The following WDR70 variants were observed in gnomAD, a reference collection of about 807,000 sequenced individuals.
WDR70 encodes the protein WD repeat domain 70, also known as WD repeat-containing protein 70.
In WDR70, 53 loss-of-function variants were observed where a neutral mutation model predicts 88.6. That is an observed-to-expected ratio of 0.60 (90% CI 0.48 to 0.75). The LOEUF (loss-of-function observed/expected upper bound fraction) is 0.75. WDR70 is among the 30% of genes least tolerant of loss of function. The pLI is 0.00. For missense variants in WDR70, 610 were observed against 823.2 expected, an observed-to-expected ratio of 0.74 and a Z score of 3.17; for synonymous variants, 280 against 270.0, an observed-to-expected ratio of 1.04 and a Z score of -0.36.
At chr5:37,502,919 A>G (rs1740448176) in intron 8 of WDR70, among the ~76,000 whole-genome samples, 2 of 152,204 alleles carry the variant, frequency 1.3e-5, no homozygotes, top group African/African-American at 4.8e-5. Flanking sequence ...CCATGATCCA[A>G]ACACCTCTCA....
chr5:37,693,950 A>G (rs982668891), intron 10 of WDR70, among the ~76,000 whole-genome samples: 32 of 152,302 alleles, frequency 2.1e-4, no homozygotes, highest in Admixed American at 1.2e-3. Context: ...TTTGCTATCT[A>G]CCTATCTGAC....
chr5:37,509,789 C>CTT, intron 8 of WDR70, among the ~76,000 whole-genome samples: 1 of 129,154 alleles, frequency 7.7e-6, no homozygotes, highest in African/African-American at 3.0e-5. Context: ...CCTATAGATT[C>CTT]TTTTTTTTTT....
intron 4 of WDR70, among the ~76,000 whole-genome samples, chr5:37,395,248 G>C (rs1311732532): frequency 6.6e-6 from 1 of 152,168 alleles, no homozygotes; most frequent in African/African-American, 2.4e-5. Flanking sequence ...CTTAGTGAGA[G>C]TGTATAATAG....
intron 8 of WDR70, chr5:37,505,725 A>G (rs1178015269): frequency 7.4e-6 from 9 of 1,213,504 alleles, no homozygotes; most frequent in Admixed American, 3.4e-5. Flanking sequence ...TGGTGTCAGC[A>G]TCTCTTCAAA....
At chr5:37,672,362 T>C (rs938341361) in intron 10 of WDR70, among the ~76,000 whole-genome samples, 1 of 151,982 alleles carries the variant, frequency 6.6e-6, no homozygotes. Context: ...CTCTTGTGGT[T>C]GAGATAAGAG....
At chr5:37,687,071 G>A (rs1394627900) in intron 10 of WDR70, among the ~76,000 whole-genome samples, 1 of 151,944 alleles carries the variant, frequency 6.6e-6, no homozygotes, top group Non-Finnish European at 1.5e-5. Flanking sequence ...GCAGTTAAAG[G>A]ACAAGTTGCA....
At chr5:37,646,338 G>T (rs927734956) in intron 10 of WDR70, among the ~76,000 whole-genome samples, 5 of 151,970 alleles carry the variant, frequency 3.3e-5, no homozygotes, top group Non-Finnish European at 7.4e-5. Context: ...ACCATGTCTT[G>T]AAGAATTGTT....
intron 9 of WDR70, among the ~76,000 whole-genome samples, chr5:37,592,701 C>G: frequency 6.6e-6 from 1 of 152,332 alleles, no homozygotes; most frequent in Middle Eastern, 3.4e-3. Flanking sequence ...AGGCTGAATA[C>G]TTTCCCCCTG....
intron 9 of WDR70, among the ~76,000 whole-genome samples, chr5:37,587,810 C>T (rs1743407466): frequency 6.9e-6 from 1 of 144,640 alleles, no homozygotes; most frequent in African/African-American, 2.6e-5. Flanking sequence ...GACAGAGTCT[C>T]ACTCTATCGC....
At chr5:37,567,711 G>C (rs1439316065) in intron 9 of WDR70, among the ~76,000 whole-genome samples, 1 of 152,092 alleles carries the variant, frequency 6.6e-6, no homozygotes, top group Non-Finnish European at 1.5e-5. Flanking sequence ...AAAAGGGGAG[G>C]GGGGAGATTT....
At chr5:37,624,463 C>T (rs930211343) in intron 10 of WDR70, among the ~76,000 whole-genome samples, 1 of 151,982 alleles carries the variant, frequency 6.6e-6, no homozygotes, top group Admixed American at 6.6e-5. Flanking sequence ...AGGTTGATTC[C>T]ATATTTTGGC....
intron 10 of WDR70, among the ~76,000 whole-genome samples, chr5:37,621,586 T>C (rs1170321223): frequency 6.6e-6 from 1 of 152,210 alleles, no homozygotes; most frequent in East Asian, 1.9e-4. Flanking sequence ...TTTGTTTTTT[T>C]CTTGTAAATT....
intron 9 of WDR70, among the ~76,000 whole-genome samples, chr5:37,543,197 C>T (rs1278954655): frequency 3.3e-5 from 5 of 152,096 alleles, no homozygotes; most frequent in Non-Finnish European, 7.4e-5. Flanking sequence ...TCACCACAGA[C>T]ATATGAGTTA....
At chr5:37,406,859 T>G (rs1420513544) in intron 5 of WDR70, among the ~76,000 whole-genome samples, 2 of 152,226 alleles carry the variant, frequency 1.3e-5, no homozygotes, top group East Asian at 3.8e-4. Flanking sequence ...AATCATATTA[T>G]TATTTAATAT....
At position 37,655,339 on chromosome 5, in the gene WDR70, G is replaced by A. The variant is rs112514284; in HGVS notation, c.1093-42316G>A. On this transcript the variant is annotated intron_variant, in intron 10 of 17. Coordinates refer to ENST00000265107, the MANE Select transcript of WDR70 (RefSeq NM_018034.4). The stretch of plus-strand genomic sequence containing the variant: ...TAGTCTGATGGGCTTCCTTCTGTGG[G>A]TAACCCAACCTTTCTTCTCTTGCTG... Among the ~76,000 whole-genome samples the A allele has an allele frequency of 4.9e-4, 75 of 152,276 alleles. 2 individuals are homozygous for A. In the South Asian group the frequency reaches 9.3e-3, roughly 19 times the overall value.
chr5:37,693,067 C>A (rs1011738724), intron 10 of WDR70, among the ~76,000 whole-genome samples: 3 of 148,724 alleles, frequency 2.0e-5, no homozygotes, highest in Non-Finnish European at 4.4e-5. Context: ...TCCTATACAC[C>A]AATAACAGAC....
chr5:37,593,302 C>T (rs903978506), intron 9 of WDR70, among the ~76,000 whole-genome samples: 13 of 152,088 alleles, frequency 8.5e-5, no homozygotes, highest in Non-Finnish European at 1.5e-4. Context: ...TGCTATCCCT[C>T]CCCCTGCTCC....
intron 10 of WDR70, among the ~76,000 whole-genome samples, chr5:37,636,087 A>G (rs560165101): frequency 6.6e-6 from 1 of 152,280 alleles, no homozygotes; most frequent in East Asian, 1.9e-4. Context: ...AGTCTCTGGT[A>G]TGTCTTTATT....
chr5:37,519,401 C>T (rs562243255), intron 9 of WDR70, among the ~76,000 whole-genome samples: 5 of 145,940 alleles, frequency 3.4e-5, no homozygotes, highest in South Asian at 2.2e-4. Flanking sequence ...CGGGCGGAGG[C>T]GCTCCTCACT....
Sources: allele counts gnomAD v4.1 joint callset (sites outside exome capture counted in the v4.1 genomes callset), GRCh38; gene constraint gnomAD v4.1.1; transcripts MANE v1.5; gene names NCBI Gene and HGNC (gene_info 2026-07-23, HGNC 2026-07-21).